Variants in COL13A1 observed in about 807,000 individuals in gnomAD.
COL13A1 encodes collagen alpha-1(XIII) chain.
A neutral mutation model predicts 130.9 loss-of-function variants in COL13A1; 89 were observed. The observed-to-expected ratio is 0.68, with a 90% CI of 0.57 to 0.81. The LOEUF (loss-of-function observed/expected upper bound fraction) is 0.81. Ranked by LOEUF, COL13A1 falls within the 30% of genes least tolerant of loss-of-function variation. COL13A1 has a pLI of 0.00. For missense variants in COL13A1, 879 were observed against 934.6 expected (o/e 0.94, Z 0.78); for synonymous variants, 402 against 341.6 (o/e 1.18, Z -1.95).
Position 69,921,955 on chromosome 10 carries a change from G to A in COL13A1, c.1143+20G>A. The A allele has an allele frequency of 6.3e-7, 1 of 1,595,208 alleles. No homozygotes were observed. The highest frequency in any genetic ancestry group is 2.3e-5 in the East Asian group (1 of 44,064). ...CAGAAGGTAGGTGTTGCTCTGAATG[G>A]AGGGTTCAAGTCCTTCGTCACCCAC... On this transcript the variant is annotated intron_variant, in intron 22 of 40. Coordinates refer to ENST00000645393, the MANE Select transcript of COL13A1 (RefSeq NM_001368882.1).
intron 2 of COL13A1, among the ~76,000 whole-genome samples, chr10:69,857,659 CCTGG>C (rs1380832044): frequency 1.3e-5 from 2 of 152,074 alleles, no homozygotes; most frequent in African/African-American, 4.8e-5. Flanking sequence ...GAAACCAGTC[CCTGG>C]TGCCAAAAAG....
chr10:69,802,031 CG>C lies in COL13A1; in HGVS notation c.-389del. The C allele has an allele frequency of 1.1e-5, 2 of 178,846 alleles. No homozygotes were observed. The highest frequency in any genetic ancestry group is 6.3e-5 in the Admixed American group (1 of 15,892). 11.1% of individuals were successfully genotyped at this position (178,846 alleles called of 1,614,324 possible). ...GGCCCTCCGTGTGCGCCCCTTCGCC[CG>C]GGGACTGAAACTGACTGGCCCGGGA... On this transcript the variant is annotated 5_prime_UTR_variant, in exon 1 of 41. The change abolishes the stop of an existing upstream ORF in the 5' untranslated region. Coordinates refer to ENST00000645393, the MANE Select transcript of COL13A1 (RefSeq NM_001368882.1).
rs779733992 is a variant in COL13A1 at position 69,941,030 on chromosome 10, G to C, written c.1914+7G>C. The C allele has an allele frequency of 1.2e-6, 2 of 1,613,722 alleles. No homozygotes were observed. The highest frequency in any genetic ancestry group is 3.3e-5 in the Admixed American group (2 of 59,972). ...CGGCAGGCCTGGGCCACCGGTGAGT[G>C]TCACTTCTCCATCACCCCTCACCCC... On this transcript the variant is annotated splice_region_variant and intron_variant, in intron 35 of 40. Coordinates refer to ENST00000645393, the MANE Select transcript of COL13A1 (RefSeq NM_001368882.1).
At chr10:69,861,820 G>A (rs1337818485) in intron 2 of COL13A1, among the ~76,000 whole-genome samples, 2 of 152,168 alleles carry the variant, frequency 1.3e-5, no homozygotes, top group African/African-American at 4.8e-5. Context: ...GAGACTGTAG[G>A]TGTGTGTGAT....
In COL13A1 at chr10:69,958,728, T is replaced by A; in HGVS notation, c.*27T>A. 1 of 1,613,740 alleles carries A rather than the reference T, an allele frequency of 6.2e-7. No individual in the cohort carries two copies. Among genetic ancestry groups the A allele is most frequent in the Admixed American group, 1.7e-5 (1 of 60,024 alleles). On this transcript the variant is annotated 3_prime_UTR_variant, in exon 41 of 41. Transcript: ENST00000645393. ...GCCTCTAACCTTGGATTGGCCTGTG[T>A]GTGTGTTTGTACATAGAATATTTAT...
chr10:69,924,275 G>A (rs966843114), intron 24 of COL13A1, among the ~76,000 whole-genome samples: 1 of 152,298 alleles, frequency 6.6e-6, no homozygotes, highest in Admixed American at 6.5e-5. Flanking sequence ...ACACCAAAGT[G>A]TTCCTGTTTC....
intron 3 of COL13A1, among the ~76,000 whole-genome samples, chr10:69,869,905 T>C (rs1179886772): frequency 6.6e-6 from 1 of 152,222 alleles, no homozygotes; most frequent in Non-Finnish European, 1.5e-5. Context: ...CCTTGCTGAA[T>C]ATGATCCTTG....
At chr10:69,897,576 G>A (rs2061776519) in intron 13 of COL13A1, 4 of 1,603,598 alleles carry the variant, frequency 2.5e-6, no homozygotes, top group African/African-American at 2.7e-5. Flanking sequence ...CCACTGAGAG[G>A]CTTCCTGAAC....
At chr10:69,906,422 A>C (rs2062756898) in intron 17 of COL13A1, among the ~76,000 whole-genome samples, 2 of 152,116 alleles carry the variant, frequency 1.3e-5, no homozygotes, top group Admixed American at 1.3e-4. Flanking sequence ...CCCCATTCAC[A>C]TGTCTGGTGG....
At chr10:69,859,753 G>T (rs756191624) in intron 2 of COL13A1, among the ~76,000 whole-genome samples, 2 of 152,264 alleles carry the variant, frequency 1.3e-5, no homozygotes, top group Non-Finnish European at 1.5e-5. Context: ...AGAGCCACAG[G>T]CAGGGGAGCT....
intron 38 of COL13A1, among the ~76,000 whole-genome samples, chr10:69,952,037 T>C (rs1266563312): frequency 6.6e-6 from 1 of 152,226 alleles, no homozygotes; most frequent in Non-Finnish European, 1.5e-5. Context: ...ACATACAATA[T>C]AGGATTCAAT....
At chr10:69,904,830 T>A in intron 15 of COL13A1, 103 bp from the exon 16 acceptor site, 1 of 1,239,640 alleles carries the variant, frequency 8.1e-7, no homozygotes, top group South Asian at 1.4e-5. Context: ...CCATAGCTAT[T>A]GGGAGCTGCT....
Position 69,952,882 on chromosome 10 carries a change from G to T in COL13A1, c.2059G>T (p.Gly687Trp). The T allele has an allele frequency of 6.5e-7, 1 of 1,549,518 alleles. No individual in the cohort carries two copies. The highest frequency in any genetic ancestry group is 8.6e-7 in the Non-Finnish European group (1 of 1,157,000). The change falls in exon 39 of 41, where the codon GGG (glycine) becomes TGG (tryptophan). Residue 687 changes from glycine (G) to tryptophan (W), a missense_variant and splice_region_variant. By Grantham distance (184) the Gly-to-Trp change is radical. Coordinates refer to ENST00000645393, the MANE Select transcript of COL13A1 (RefSeq NM_001368882.1). ...HGPPGDKGNR[G>W]ERGKKGSRGP... ...TCTCGGACTAAACCATTATTTACAGGGGGAGAGGGGGAAGAAAGGCTCTAG... is the reference window on the plus strand; with the variant it reads ...TCTCGGACTAAACCATTATTTACAGTGGGAGAGGGGGAAGAAAGGCTCTAG...
chr10:69,925,784 A>G lies in COL13A1; in HGVS notation c.1330-20A>G. On this transcript the variant is annotated intron_variant, in intron 25 of 40. Transcript: ENST00000645393. The stretch of plus-strand genomic sequence containing the variant: ...CCCTCCCGGTCCAGGCCGTGGGTTG[A>G]GATCTCATTTGCCTTCCAGGGCTCC... 6.3e-7 allele frequency: 1 copy of G among 1,579,654 alleles called. No individual in the cohort carries two copies. The highest frequency in any genetic ancestry group is 1.3e-5 in the African/African-American group (1 of 74,274).
chr10:69,951,557 G>A (rs950171909), intron 38 of COL13A1, among the ~76,000 whole-genome samples: 1 of 151,968 alleles, frequency 6.6e-6, no homozygotes, highest in African/African-American at 2.4e-5. Flanking sequence ...CAAAAATGAG[G>A]TCTTGCTTTA....
intron 1 of COL13A1, among the ~76,000 whole-genome samples, chr10:69,812,655 G>A (rs763437811): frequency 6.6e-5 from 10 of 152,144 alleles, no homozygotes; most frequent in African/African-American, 1.9e-4. Context: ...TAGTTTCCTC[G>A]CTCATGTAAT....
intron 2 of COL13A1, among the ~76,000 whole-genome samples, chr10:69,862,452 AG>A (rs1238379389): frequency 3.3e-5 from 5 of 152,178 alleles, no homozygotes; most frequent in Non-Finnish European, 5.9e-5. Context: ...TTTGGGCCAT[AG>A]GGCTGTACGT....
intron 13 of COL13A1, among the ~76,000 whole-genome samples, chr10:69,897,865 G>T (rs942568): frequency 0.81 from 123,293 of 152,218 alleles, 51,163 homozygotes; most frequent in East Asian, 0.98. Context: ...AAAGCCACGG[G>T]TTGCTCAGCT....
chr10:69,895,438 G>A, intron 12 of COL13A1, 112 bp from the exon 13 acceptor site: 2 of 1,154,966 alleles, frequency 1.7e-6, no homozygotes, highest in Non-Finnish European at 2.6e-6. Flanking sequence ...AGAGCAGGAG[G>A]GCTGGTGAGC....
Sources: gnomAD v4.1 joint callset for allele counts (sites outside exome capture counted in the v4.1 genomes callset) on GRCh38, gnomAD v4.1.1 for gene constraint, MANE v1.5 for transcripts, NCBI Gene and HGNC (gene_info 2026-07-23, HGNC 2026-07-21) for gene names.